Variants in ACTN2 observed in about 807,000 individuals in gnomAD.
The protein encoded by ACTN2 is alpha-actinin-2.
Under a neutral mutation model 113.8 loss-of-function variants are expected in ACTN2, and 39 were observed. The ratio of observed to expected loss-of-function variants is 0.34; its 90% confidence interval spans 0.27 to 0.45. The LOEUF (loss-of-function observed/expected upper bound fraction) is 0.45, where lower values mean the gene tolerates loss of function less well. Ranked by LOEUF, ACTN2 falls within the 20% of genes least tolerant of loss-of-function variation. The probability of loss-of-function intolerance (pLI) is 1.00; values close to 1 mark genes in which losing one functional copy is unlikely to be tolerated. For missense variants in ACTN2, 992 were observed against 1,177.9 expected (o/e 0.84, Z 2.31); for synonymous variants, 429 against 444.1 (o/e 0.97, Z 0.43).
At chr1:236,740,119 CTT>C (rs200227676) in intron 10 of ACTN2, among the ~76,000 whole-genome samples, 1 of 147,260 alleles carries the variant, frequency 6.8e-6, no homozygotes. Flanking sequence ...CACTCACTCA[CTT>C]TTTTTTTTTG....
At chr1:236,755,420 T>C (rs1013231399) in intron 17 of ACTN2, among the ~76,000 whole-genome samples, 1 of 152,224 alleles carries the variant, frequency 6.6e-6, no homozygotes, top group African/African-American at 2.4e-5. Context: ...TCATTATTAT[T>C]ATCACCACCA....
chr1:236,691,236 C>G (rs1022224546), intron 1 of ACTN2, among the ~76,000 whole-genome samples: 8 of 151,832 alleles, frequency 5.3e-5, no homozygotes, highest in African/African-American at 1.7e-4. Flanking sequence ...AGCCACTGCA[C>G]CCAGCCTGGC....
In ACTN2 at chr1:236,725,795, C is replaced by A. The variant is rs1287910249; in HGVS notation, c.449-138C>A. On this transcript the variant is annotated intron_variant, in intron 4 of 20. Coordinates refer to ENST00000366578, the MANE Select transcript of ACTN2 (RefSeq NM_001103.4). ...ACTCACCAAGATCAGGGTTCTGGCT[C>A]CTATGCACTTGCCGAGGCTGTAGGA... The A allele has an allele frequency of 1.0e-5, 8 of 786,492 alleles. No homozygotes were observed. In the East Asian group the frequency reaches 1.5e-4, roughly 14 times the overall value. 48.7% of individuals were successfully genotyped at this position (786,492 alleles called of 1,614,324 possible). A position where few individuals can be genotyped will look rare whatever the true frequency, so the allele number is the denominator to read the frequency against.
intron 1 of ACTN2, among the ~76,000 whole-genome samples, chr1:236,712,553 A>G (rs1258673221): frequency 6.6e-6 from 1 of 152,214 alleles, no homozygotes; most frequent in Non-Finnish European, 1.5e-5. Context: ...ATATCAACTC[A>G]GGAGGCTGAG....
intron 13 of ACTN2, 121 bp from the exon 14 acceptor site, chr1:236,749,001 GAC>G (rs1659314047): frequency 3.5e-6 from 4 of 1,127,804 alleles, no homozygotes; most frequent in Non-Finnish European, 5.2e-6. Flanking sequence ...ATCTTTTGTA[GAC>G]ACATGCTAAT....
rs992882288 is a variant in ACTN2 at position 236,754,312 on chromosome 1, G to A, written c.1974+231G>A. Among the ~76,000 whole-genome samples the A allele has an allele frequency of 6.6e-6, 1 of 152,160 alleles. No homozygotes were observed. Among genetic ancestry groups the A allele is most frequent in the Non-Finnish European group, 1.5e-5 (1 of 68,026 alleles). ...GGCGGCACTCAAGGAAGGGGAGGGG[G>A]GTCTTGCTGGGTTCTGTTTATTTTC... On this transcript the variant is annotated intron_variant, in intron 16 of 20. Coordinates refer to ENST00000366578, the MANE Select transcript of ACTN2 (RefSeq NM_001103.4). The surrounding 1 kb of genome is among the most constrained non-coding windows in gnomAD (Gnocchi z 4.9).
chr1:236,724,423 G>C (rs1192873758), intron 4 of ACTN2, among the ~76,000 whole-genome samples: 1 of 152,240 alleles, frequency 6.6e-6, no homozygotes, highest in Non-Finnish European at 1.5e-5. Flanking sequence ...ATTTTTTGGG[G>C]AAAATGCCTA....
intron 8 of ACTN2, 116 bp from the exon 9 acceptor site, chr1:236,737,006 T>A: frequency 1.2e-6 from 1 of 802,314 alleles, no homozygotes; most frequent in Non-Finnish European, 2.1e-6. Context: ...AGCTAGACTC[T>A]GCACCGTCTA....
chr1:236,709,220 G>GTGTGTATATA (rs1275373436), intron 1 of ACTN2, among the ~76,000 whole-genome samples: 27 of 66,850 alleles, frequency 4.0e-4, no homozygotes, highest in Non-Finnish European at 5.9e-4. Flanking sequence ...ACAAATGACT[G>GTGTGTATATA]TATATATATA....
At chr1:236,697,139 C>A (rs1657531581) in intron 1 of ACTN2, among the ~76,000 whole-genome samples, 1 of 152,122 alleles carries the variant, frequency 6.6e-6, no homozygotes. Flanking sequence ...CCAGGTACAG[C>A]AACCTGGTGA....
chr1:236,701,256 T>A (rs1657665043), intron 1 of ACTN2, among the ~76,000 whole-genome samples: 3 of 152,196 alleles, frequency 2.0e-5, no homozygotes, highest in Admixed American at 1.3e-4. Context: ...GTGACTTTTT[T>A]TTTCCCCCAA....
intron 10 of ACTN2, among the ~76,000 whole-genome samples, chr1:236,740,459 T>C (rs899913360): frequency 1.3e-5 from 2 of 152,200 alleles, no homozygotes; most frequent in South Asian, 4.1e-4. Context: ...GTAAACTGGC[T>C]TCTGTCCCTG....
At chr1:236,759,584 T>C in intron 18 of ACTN2, 140 bp from the exon 19 acceptor site, 1 of 732,332 alleles carries the variant, frequency 1.4e-6, no homozygotes, top group African/African-American at 1.7e-5. Flanking sequence ...GGCTCCATCC[T>C]TCTCGCAAGT....
chr1:236,744,130 C>G (rs1017466440), intron 11 of ACTN2, among the ~76,000 whole-genome samples: 1 of 152,084 alleles, frequency 6.6e-6, no homozygotes, highest in East Asian at 1.9e-4. Flanking sequence ...AGGAAAATTT[C>G]TAATATTTAT....
intron 3 of ACTN2, 145 bp from the exon 4 acceptor site, chr1:236,719,960 C>A: frequency 1.5e-6 from 1 of 668,772 alleles, no homozygotes; most frequent in East Asian, 2.7e-5. Context: ...ACCAGACATA[C>A]TGCGGTGCTT....
intron 19 of ACTN2, among the ~76,000 whole-genome samples, 172 bp downstream of exon 19, chr1:236,759,961 C>T (rs781474279): frequency 4.0e-4 from 61 of 152,118 alleles, no homozygotes; most frequent in Non-Finnish European, 7.3e-4. Flanking sequence ...AATAAAGTCA[C>T]GAGGCCTGGC....
intron 1 of ACTN2, among the ~76,000 whole-genome samples, chr1:236,687,371 C>T (rs1011923855): frequency 1.3e-5 from 2 of 152,112 alleles, no homozygotes; most frequent in African/African-American, 4.8e-5. Context: ...CACACAGGGA[C>T]GAAGGAGTCA....
chr1:236,715,175 A>G (rs1224635430), intron 1 of ACTN2, among the ~76,000 whole-genome samples: 2 of 140,602 alleles, frequency 1.4e-5, no homozygotes, highest in African/African-American at 5.3e-5. Flanking sequence ...TTTTTATTCT[A>G]CTTTAAGGTT....
intron 18 of ACTN2, 107 bp from the exon 19 acceptor site, chr1:236,759,616 TG>T: frequency 1.1e-6 from 1 of 911,104 alleles, no homozygotes; most frequent in South Asian, 1.3e-5. Context: ...TTTACGACCT[TG>T]GCAGAGCTCA....
Sources: allele counts gnomAD v4.1 joint callset (sites outside exome capture counted in the v4.1 genomes callset), GRCh38; gene constraint gnomAD v4.1.1; non-coding constraint Gnocchi (gnomAD v3.1); transcripts MANE v1.5; gene names NCBI Gene and HGNC (gene_info 2026-07-23, HGNC 2026-07-21).